PPP2R2B: variants seen among roughly 807,000 people sequenced by gnomAD.
The protein encoded by PPP2R2B is serine/threonine-protein phosphatase 2A 55 kDa regulatory subunit B beta isoform.
PPP2R2B carries 5 observed loss-of-function variants against 46.0 expected under a neutral mutation model. The ratio of observed to expected loss-of-function variants is 0.11; its 90% CI spans 0.06 to 0.23. The LOEUF is 0.23. Ranked by LOEUF, PPP2R2B falls within the 10% of genes least tolerant of loss-of-function variation. The probability of loss-of-function intolerance (pLI) is 1.00; values close to 1 mark genes in which losing one functional copy is unlikely to be tolerated. For missense variants in PPP2R2B, 367 were observed against 575.0 expected (o/e 0.64, Z 3.70); for synonymous variants, 215 against 206.7 (o/e 1.04, Z -0.34).
At position 147,044,772 on chromosome 5, in the gene PPP2R2B, T is replaced by C. The variant is rs371617923; in HGVS notation, c.79+10893A>G. ...TGAGAGGGCTGCCTTGCTGTTTCTA[T>C]AGGAATATATGCAGCAGAGCATATG... On this transcript the variant is annotated intron_variant, in intron 1 of 8. Coordinates refer to the PPP2R2B transcript ENST00000336640. Among the ~76,000 whole-genome samples the C allele has an allele frequency of 2.6e-4, 39 of 152,282 alleles. No individual in the cohort carries two copies. In the East Asian group the frequency reaches 7.1e-3, roughly 28 times the overall value.
intron 6 of PPP2R2B, among the ~76,000 whole-genome samples, chr5:146,640,645 A>G (rs984537392): frequency 1.3e-5 from 2 of 152,180 alleles, no homozygotes; most frequent in African/African-American, 2.4e-5. Context: ...AGCTTTCTCA[A>G]CCTCTACCAG....
At chr5:147,001,237 C>T (rs774518461) in intron 1 of PPP2R2B, among the ~76,000 whole-genome samples, 2 of 152,178 alleles carry the variant, frequency 1.3e-5, no homozygotes, top group African/African-American at 2.4e-5. Context: ...CCCTTCCACG[C>T]TGTGGAAGTT....
intron 1 of PPP2R2B, among the ~76,000 whole-genome samples, chr5:147,010,177 AC>A (rs1754647964): frequency 6.6e-6 from 1 of 152,166 alleles, no homozygotes; most frequent in African/African-American, 2.4e-5. Context: ...ACCCAGCAAT[AC>A]ATAAAAACAA....
At position 146,736,233 on chromosome 5, in the gene PPP2R2B, C is replaced by T. The variant is rs187338450; in HGVS notation, c.71-35091G>A. ...CGATTTTAAGTTTCCTGAGGCCTCC[C>T]CAGCCATACTGAACTGTGAGTCAAT... On this transcript the variant is annotated intron_variant, in intron 2 of 9. Transcript: ENST00000394411. Among the ~76,000 whole-genome samples the T allele has an allele frequency of 3.3e-4, 50 of 152,248 alleles. 1 individual carries two copies. Among genetic ancestry groups the T allele is most frequent in the Middle Eastern group, 6.8e-3 (2 of 294 alleles).
intron 5 of PPP2R2B, among the ~76,000 whole-genome samples, chr5:146,660,900 A>T (rs1435132177): frequency 6.6e-6 from 1 of 152,228 alleles, no homozygotes; most frequent in Non-Finnish European, 1.5e-5. Flanking sequence ...TTAAAGTCTA[A>T]CAGGGAAGAA....
chr5:146,834,205 G>A (rs953574246), intron 2 of PPP2R2B, among the ~76,000 whole-genome samples: 16 of 152,128 alleles, frequency 1.1e-4, no homozygotes, highest in Non-Finnish European at 2.1e-4. Flanking sequence ...GGTCCTAGGT[G>A]CTTTATATAC....
chr5:146,827,463 CTG>C (rs756009197), intron 2 of PPP2R2B, among the ~76,000 whole-genome samples: 7 of 151,986 alleles, frequency 4.6e-5, no homozygotes, highest in Non-Finnish European at 8.8e-5. Context: ...TATGTAAAGA[CTG>C]AGGCATTATG....
intron 5 of PPP2R2B, among the ~76,000 whole-genome samples, chr5:146,680,250 A>G (rs1476927202): frequency 2.0e-5 from 3 of 149,364 alleles, no homozygotes; most frequent in South Asian, 2.1e-4. Context: ...TTGTAGGGAC[A>G]TGGATGAAAT....
chr5:147,040,821 A>G (rs1430418855), intron 1 of PPP2R2B: 1 of 438,890 alleles, frequency 2.3e-6, no homozygotes, highest in Admixed American at 2.6e-5. Flanking sequence ...AAAAAAAAAA[A>G]AAACTGTAAA....
At chr5:146,949,106 T>A (rs1764576063) in intron 1 of PPP2R2B, among the ~76,000 whole-genome samples, 1 of 152,006 alleles carries the variant, frequency 6.6e-6, no homozygotes, top group African/African-American at 2.4e-5. Context: ...AGGTGATACA[T>A]GTGCTAGGTA....
chr5:146,766,848 G>A (rs1470142329), intron 2 of PPP2R2B, among the ~76,000 whole-genome samples: 1 of 152,022 alleles, frequency 6.6e-6, no homozygotes, highest in South Asian at 2.1e-4. Flanking sequence ...GAGGTCAGGA[G>A]TTCAAGACCA....
intron 2 of PPP2R2B, among the ~76,000 whole-genome samples, chr5:146,831,899 G>T (rs1445154189): frequency 6.6e-6 from 1 of 152,204 alleles, no homozygotes; most frequent in African/African-American, 2.4e-5. Flanking sequence ...TGCCTTTGAA[G>T]GCCTTCCAGT....
At chr5:147,061,336 G>T (rs1757250757) in intron 2 of PPP2R2B, among the ~76,000 whole-genome samples, 1 of 152,104 alleles carries the variant, frequency 6.6e-6, no homozygotes, top group Admixed American at 6.6e-5. Flanking sequence ...CTTCTTGGAG[G>T]AGGTGACATT....
chr5:147,012,056 C>G lies in PPP2R2B; in HGVS notation c.79+43609G>C, dbSNP rs946768034. Among the ~76,000 whole-genome samples, 709 of 150,472 alleles carry G rather than the reference C, an allele frequency of 4.7e-3. 4 individuals carry two copies. The highest frequency in any genetic ancestry group is 0.016 in the African/African-American group (672 of 40,978). On this transcript the variant is annotated intron_variant, in intron 1 of 8. Transcript: ENST00000336640. The stretch of plus-strand genomic sequence containing the variant: ...AAAATTCTCTTTTTTTGTTGTGTCT[C>G]TGCCTGGCTTTGGTATCAGAATGAT...
intron 2 of PPP2R2B, among the ~76,000 whole-genome samples, chr5:146,708,518 G>GATAT (rs1780029914): frequency 6.6e-6 from 1 of 151,786 alleles, no homozygotes; most frequent in Non-Finnish European, 1.5e-5. Flanking sequence ...CCACTATCAT[G>GATAT]ATATAGAACA....
chr5:146,850,085 G>A (rs568727354), intron 2 of PPP2R2B, among the ~76,000 whole-genome samples: 14 of 152,296 alleles, frequency 9.2e-5, no homozygotes, highest in African/African-American at 2.6e-4. Flanking sequence ...CTGCATTAAC[G>A]ATGCTAATTT....
At chr5:146,988,104 T>C (rs1358200058) in intron 1 of PPP2R2B, among the ~76,000 whole-genome samples, 1 of 151,752 alleles carries the variant, frequency 6.6e-6, no homozygotes, top group Non-Finnish European at 1.5e-5. Context: ...AACACTAGAG[T>C]ACCTAATTAT....
In PPP2R2B at chr5:146,725,509, A is replaced by G. The variant is rs1751810701; in HGVS notation, c.71-24367T>C. ...GTTGGAAAGCCTGCCTTAGAAGATA[A>G]TCTTAATTCTTCTATAAGTTGAAGG... On this transcript the variant is annotated intron_variant, in intron 2 of 9. Transcript: ENST00000394411. 3.3e-5 allele frequency among the ~76,000 whole-genome samples: 5 copies of G among 152,202 alleles called. No homozygotes were observed. In the South Asian group the frequency reaches 1.0e-3, roughly 32 times the overall value.
In PPP2R2B at chr5:146,867,476, T is replaced by A. The variant is rs140099470; in HGVS notation, c.70+10526A>T. On this transcript the variant is annotated intron_variant, in intron 2 of 9. Transcript: ENST00000394411. ...CTGTCAACTATTGGTCCCAAATGCA[T>A]GGAGTAGAGAGGGAATCTTTTGTAT... Among the ~76,000 whole-genome samples, 257 of 152,344 alleles carry A rather than the reference T, an allele frequency of 1.7e-3. 3 individuals carry two copies. The highest frequency in any genetic ancestry group is 5.6e-3 in the African/African-American group (231 of 41,578).
Sources: allele counts gnomAD v4.1 joint callset (sites outside exome capture counted in the v4.1 genomes callset), GRCh38; gene constraint gnomAD v4.1.1; transcripts MANE v1.5; gene names NCBI Gene and HGNC (gene_info 2026-07-23, HGNC 2026-07-21).